ANKRD22: variants seen among roughly 807,000 people sequenced by gnomAD.
ANKRD22 encodes ankyrin repeat domain 22.
In ANKRD22, 24 loss-of-function variants were observed where a neutral mutation model predicts 25.7. The ratio of observed to expected loss-of-function variants is 0.93; its 90% confidence interval spans 0.68 to 1.31. The LOEUF (loss-of-function observed/expected upper bound fraction) is 1.31. Ranked by LOEUF, ANKRD22 falls within the 50% of genes most tolerant of loss-of-function variation. ANKRD22 has a pLI of 0.00. For missense variants in ANKRD22, 214 were observed against 227.1 expected, an observed-to-expected ratio of 0.94 and a Z score of 0.37; for synonymous variants, 84 against 84.3, an observed-to-expected ratio of 1.00 and a Z score of 0.02.
chr10:88,846,295 C>A (rs1844048164), intron 1 of ANKRD22, among the ~76,000 whole-genome samples: 1 of 152,160 alleles, frequency 6.6e-6, no homozygotes, highest in Non-Finnish European at 1.5e-5. Context: ...GCATATACAA[C>A]ATCCTTTATG....
At position 88,851,623 on chromosome 10, in the gene ANKRD22, G is replaced by C; in HGVS notation, c.-16C>G. The C allele has an allele frequency of 6.2e-7, 1 of 1,612,928 alleles. No individual in the cohort carries two copies. Among genetic ancestry groups the C allele is most frequent in the South Asian group, 1.1e-5 (1 of 91,030 alleles). ...GGATTCCCATGCTGGTCCTTCACAG[G>C]CTTACTTCACCTCTACAGCTCCTTG... On this transcript the variant is annotated 5_prime_UTR_variant, in exon 1 of 6. Transcript: ENST00000371930.
chr10:88,837,751 AT>A (rs1176389833), intron 1 of ANKRD22, among the ~76,000 whole-genome samples: 3 of 152,184 alleles, frequency 2.0e-5, no homozygotes, highest in Non-Finnish European at 4.4e-5. Flanking sequence ...AAGTAATTGA[AT>A]CATAGGGGTG....
intron 1 of ANKRD22, among the ~76,000 whole-genome samples, chr10:88,835,111 T>C (rs965943255): frequency 5.3e-5 from 8 of 152,100 alleles, no homozygotes; most frequent in African/African-American, 1.9e-4. Context: ...CCTGGTAACA[T>C]AGACCTCCAG....
intron 4 of ANKRD22, among the ~76,000 whole-genome samples, chr10:88,825,362 A>G (rs1468576598): frequency 6.6e-6 from 1 of 152,264 alleles, no homozygotes; most frequent in Non-Finnish European, 1.5e-5. Context: ...ACAGAGGTGA[A>G]AGTGAAAACA....
intron 1 of ANKRD22, among the ~76,000 whole-genome samples, chr10:88,840,200 C>A (rs1487981574): frequency 1.3e-5 from 2 of 152,158 alleles, no homozygotes; most frequent in Non-Finnish European, 1.5e-5. Flanking sequence ...ACTCTGTTCA[C>A]TTCCATCTTA....
chr10:88,839,034 A>G (rs143697563), intron 1 of ANKRD22, among the ~76,000 whole-genome samples: 4 of 152,290 alleles, frequency 2.6e-5, no homozygotes, highest in Non-Finnish European at 5.9e-5. Context: ...CCCACTGACT[A>G]ACTTTTCTCT....
At chr10:88,827,777 C>A (rs1400365126) in intron 3 of ANKRD22, among the ~76,000 whole-genome samples, 1 of 152,084 alleles carries the variant, frequency 6.6e-6, no homozygotes, top group African/African-American at 2.4e-5. Context: ...CAGGTGTAAC[C>A]AATATTCACA....
intron 4 of ANKRD22, among the ~76,000 whole-genome samples, chr10:88,825,009 T>TCACACACACA (rs771803296): frequency 3.8e-4 from 50 of 132,918 alleles, no homozygotes; most frequent in South Asian, 1.9e-3. Flanking sequence ...TCTCTCTCTC[T>TCACACACACA]CTCACACACA....
At position 88,822,818 on chromosome 10, in the gene ANKRD22, AG is replaced by A. The variant is rs1194517089; in HGVS notation, c.*122del. The A allele has an allele frequency of 1.7e-5, 14 of 807,164 alleles. No homozygotes were observed. The highest frequency in any genetic ancestry group is 2.5e-5 in the Non-Finnish European group (12 of 487,246). The allele number at this position is 807,164 out of a possible 1,614,324, so 50.0% of individuals were successfully genotyped here. On this transcript the variant is annotated 3_prime_UTR_variant, in exon 6 of 6. Coordinates refer to ENST00000371930, the MANE Select transcript of ANKRD22 (RefSeq NM_144590.3). Reference sequence around the variant, plus strand: ...CTCTTCCAAAACATTAACCATGGTAAGCATCATTATCCCCATAAAATGGTGG... The same window carrying A: ...CTCTTCCAAAACATTAACCATGGTAACATCATTATCCCCATAAAATGGTGG...
At chr10:88,841,222 G>A (rs924247804) in intron 1 of ANKRD22, among the ~76,000 whole-genome samples, 24 of 152,242 alleles carry the variant, frequency 1.6e-4, no homozygotes, top group Admixed American at 8.5e-4. Context: ...TAAGGGTGGA[G>A]GAAGAGTGGG....
At chr10:88,833,577 A>C (rs1589325136) in intron 1 of ANKRD22, among the ~76,000 whole-genome samples, 2 of 152,312 alleles carry the variant, frequency 1.3e-5, no homozygotes, top group East Asian at 3.9e-4. Flanking sequence ...TAATAAACTG[A>C]GGTTCTAACA....
Position 88,822,813 on chromosome 10 carries a change from T to C in ANKRD22, c.*128A>G, listed in dbSNP as rs2133068018. The C allele has an allele frequency of 5.0e-6, 4 of 794,636 alleles. No homozygotes were observed. Among genetic ancestry groups the C allele is most frequent in the Admixed American group, 2.3e-5 (1 of 44,212 alleles). The allele number at this position is 794,636 out of a possible 1,614,324, so 49.2% of individuals were successfully genotyped here. On this transcript the variant is annotated 3_prime_UTR_variant, in exon 6 of 6. Transcript: ENST00000371930. ...AAAAGCTCTTCCAAAACATTAACCATGGTAAGCATCATTATCCCCATAAAA... is the reference window on the plus strand; with the variant it reads ...AAAAGCTCTTCCAAAACATTAACCACGGTAAGCATCATTATCCCCATAAAA...
chr10:88,820,288 AG>A lies in ANKRD22; in HGVS notation c.*2652del, dbSNP rs1843772341. Reference sequence around the variant, plus strand: ...TGACGGTCCCTACAGCAATGTGGACAGGAGGTCAGGACTGGCTTTCAAATCC... The same window carrying A: ...TGACGGTCCCTACAGCAATGTGGACAGAGGTCAGGACTGGCTTTCAAATCC... On this transcript the variant is annotated 3_prime_UTR_variant, in exon 6 of 6. Transcript: ENST00000371930. The A allele has an allele frequency of 6.4e-6, 10 of 1,552,094 alleles. No homozygotes were observed. The highest frequency in any genetic ancestry group is 8.7e-6 in the Non-Finnish European group (10 of 1,147,078).
At chr10:88,823,092 T>C (rs1192591271) in intron 5 of ANKRD22, 74 bp from the exon 6 acceptor site, 4 of 1,457,856 alleles carry the variant, frequency 2.7e-6, no homozygotes, top group African/African-American at 1.4e-5. Context: ...ACCAATTGAC[T>C]CTCTGTGTTG....
At chr10:88,838,824 GAGA>G (rs1843978980) in intron 1 of ANKRD22, among the ~76,000 whole-genome samples, 1 of 152,168 alleles carries the variant, frequency 6.6e-6, no homozygotes, top group Admixed American at 6.5e-5. Context: ...GCCACCATAA[GAGA>G]AGGTGTCATA....
intron 1 of ANKRD22, among the ~76,000 whole-genome samples, chr10:88,843,057 C>T (rs1844016436): frequency 6.6e-6 from 1 of 152,068 alleles, no homozygotes; most frequent in African/African-American, 2.4e-5. Flanking sequence ...CCACTACTTC[C>T]CAGGTAGGGG....
intron 1 of ANKRD22, among the ~76,000 whole-genome samples, chr10:88,835,784 A>G (rs1843948368): frequency 1.3e-5 from 2 of 152,168 alleles, no homozygotes; most frequent in African/African-American, 4.8e-5. Context: ...CCATGCTGTT[A>G]TGAACTTGCG....
chr10:88,837,845 GCT>G (rs1454595838), intron 1 of ANKRD22, among the ~76,000 whole-genome samples: 1 of 152,128 alleles, frequency 6.6e-6, no homozygotes, highest in Admixed American at 6.6e-5. Context: ...CCCTACACAA[GCT>G]CTCTTTTGCC....
intron 1 of ANKRD22, among the ~76,000 whole-genome samples, chr10:88,838,592 G>A (rs1275804288): frequency 2.0e-5 from 3 of 152,114 alleles, no homozygotes; most frequent in African/African-American, 7.2e-5. Context: ...AGAAACACAG[G>A]TCAAGAAGGG....
Sources: allele counts gnomAD v4.1 joint callset (sites outside exome capture counted in the v4.1 genomes callset), GRCh38; gene constraint gnomAD v4.1.1; transcripts MANE v1.5; gene names NCBI Gene and HGNC (gene_info 2026-07-23, HGNC 2026-07-21).